Variants in FAM13C observed in about 807,000 individuals in gnomAD.
The protein encoded by FAM13C is protein FAM13C.
A neutral mutation model predicts 73.2 loss-of-function variants in FAM13C; 37 were observed. That is an observed-to-expected ratio of 0.51 (90% CI 0.39 to 0.67). The LOEUF (loss-of-function observed/expected upper bound fraction) is 0.67, where lower values mean the gene tolerates loss of function less well. Ranked by LOEUF, FAM13C falls within the 30% of genes least tolerant of loss-of-function variation. The pLI, the probability that FAM13C is intolerant of heterozygous loss-of-function variation, is 0.00. For synonymous variants in FAM13C, 246 were observed against 260.9 expected (o/e 0.94, Z 0.55); for missense variants, 589 against 715.6 (o/e 0.82, Z 2.02).
chr10:59,302,733 T>G, intron 5 of FAM13C, 68 bp downstream of exon 5: 1 of 1,447,846 alleles, frequency 6.9e-7, no homozygotes, highest in Admixed American at 1.7e-5. Context: ...CCTAGTACTG[T>G]GAAAAAGAAT....
At chr10:59,353,594 G>T (rs904145933) in intron 2 of FAM13C, among the ~76,000 whole-genome samples, 2 of 152,130 alleles carry the variant, frequency 1.3e-5, no homozygotes, top group African/African-American at 4.8e-5. Context: ...AAGAAGGAAT[G>T]CCCACCATTC....
At chr10:59,344,672 G>T (rs1354251430) in intron 3 of FAM13C, among the ~76,000 whole-genome samples, 1 of 152,046 alleles carries the variant, frequency 6.6e-6, no homozygotes, top group Non-Finnish European at 1.5e-5. Context: ...AGATACAATT[G>T]CCATCTCCAG....
intron 4 of FAM13C, among the ~76,000 whole-genome samples, chr10:59,310,485 C>A (rs1036021893): frequency 2.6e-5 from 4 of 152,044 alleles, no homozygotes; most frequent in African/African-American, 7.2e-5. Flanking sequence ...GTCGAAGCCA[C>A]ATTGAAGACA....
At chr10:59,348,900 C>T (rs1164339104) in intron 3 of FAM13C, among the ~76,000 whole-genome samples, 1 of 152,186 alleles carries the variant, frequency 6.6e-6, no homozygotes, top group East Asian at 1.9e-4. Context: ...TTACAAAGTG[C>T]TGGGATTACA....
Position 59,268,544 on chromosome 10 carries a change from G to A in FAM13C, c.942+9C>T, listed in dbSNP as rs760417581. ...AATCCGCTCCTATGTCAAACCCCAG[G>A]GTTCTTACCCGGTATTTCTTTTCTT... On this transcript the variant is annotated intron_variant, in intron 8 of 13. Coordinates refer to ENST00000618804, the MANE Select transcript of FAM13C (RefSeq NM_198215.4). 3.7e-6 allele frequency: 6 copies of A among 1,613,484 alleles called. No homozygotes were observed. Among genetic ancestry groups the A allele is most frequent in the African/African-American group, 1.3e-5 (1 of 74,970 alleles).
In FAM13C at chr10:59,246,440, A is replaced by G. The variant is rs1452528651; in HGVS notation, c.*1174T>C. On this transcript the variant is annotated 3_prime_UTR_variant, in exon 14 of 14. Transcript: ENST00000618804. Reference sequence around the variant, plus strand: ...AAATAGTCAATAGTCTTCCCATCCAAACTATAAGAGAATGTGAATTTCTTC... The same window carrying G: ...AAATAGTCAATAGTCTTCCCATCCAGACTATAAGAGAATGTGAATTTCTTC... The G allele has an allele frequency of 5.4e-6, 2 of 371,288 alleles. No homozygotes were observed. The highest frequency in any genetic ancestry group is 2.1e-5 in the African/African-American group (1 of 48,118). The allele number at this position is 371,288 out of a possible 1,614,324, so 23.0% of individuals were successfully genotyped here. A position where few individuals can be genotyped will look rare whatever the true frequency, so the allele number is the denominator to read the frequency against.
chr10:59,357,036 C>T (rs944330734), intron 1 of FAM13C, among the ~76,000 whole-genome samples: 4 of 152,126 alleles, frequency 2.6e-5, no homozygotes, highest in Non-Finnish European at 4.4e-5. Flanking sequence ...GGCTCTTGTG[C>T]CTTTGGCCAC....
intron 6 of FAM13C, among the ~76,000 whole-genome samples, chr10:59,281,854 A>C (rs1026540): frequency 6.6e-6 from 1 of 152,118 alleles, no homozygotes; most frequent in African/African-American, 2.4e-5. Flanking sequence ...AGAAACTTGT[A>C]TAGTTAATCC....
At chr10:59,346,171 T>C (rs1384148146) in intron 3 of FAM13C, among the ~76,000 whole-genome samples, 1 of 149,176 alleles carries the variant, frequency 6.7e-6, no homozygotes, top group Non-Finnish European at 1.5e-5. Flanking sequence ...ACGTCCATAA[T>C]TGAAAACATA....
chr10:59,268,469 C>T (rs1046502850), intron 8 of FAM13C, 84 bp downstream of exon 8: 9 of 1,556,692 alleles, frequency 5.8e-6, no homozygotes, highest in African/African-American at 1.4e-5. Flanking sequence ...CAAAGAAGGG[C>T]ACCCAGAAAG....
At chr10:59,338,211 A>G (rs1853002087) in intron 3 of FAM13C, among the ~76,000 whole-genome samples, 1 of 152,174 alleles carries the variant, frequency 6.6e-6, no homozygotes, top group African/African-American at 2.4e-5. Flanking sequence ...GCAGGAATGA[A>G]AAAAATGACA....
chr10:59,357,063 T>G (rs931520030), intron 1 of FAM13C, among the ~76,000 whole-genome samples: 1 of 152,200 alleles, frequency 6.6e-6, no homozygotes, highest in Non-Finnish European at 1.5e-5. Flanking sequence ...AAGGCTGCAC[T>G]GTTGGCTTCC....
intron 3 of FAM13C, chr10:59,327,701 T>C (rs1232422259): frequency 6.6e-6 from 1 of 152,102 alleles, no homozygotes; most frequent in Non-Finnish European, 1.5e-5. Flanking sequence ...AACATTAAAG[T>C]AGGGTATGTA....
chr10:59,330,431 G>A (rs1185333429), intron 3 of FAM13C, among the ~76,000 whole-genome samples: 1 of 152,118 alleles, frequency 6.6e-6, no homozygotes, highest in African/African-American at 2.4e-5. Flanking sequence ...TAAAATCAAT[G>A]GAGTATACAC....
chr10:59,267,209 T>C (rs974063417), intron 8 of FAM13C, among the ~76,000 whole-genome samples: 7 of 152,212 alleles, frequency 4.6e-5, no homozygotes, highest in Admixed American at 1.3e-4. Context: ...GAGGACATCA[T>C]AGATCCAGTA....
intron 4 of FAM13C, among the ~76,000 whole-genome samples, chr10:59,318,733 C>T (rs1404262187): frequency 6.6e-6 from 1 of 152,094 alleles, no homozygotes; most frequent in Non-Finnish European, 1.5e-5. Context: ...GGATACTCAA[C>T]ATGAACTAGG....
chr10:59,289,515 C>T (rs1482695763), intron 5 of FAM13C, among the ~76,000 whole-genome samples: 3 of 152,216 alleles, frequency 2.0e-5, no homozygotes, highest in Non-Finnish European at 4.4e-5. Flanking sequence ...CATGGAAAGC[C>T]AGGCAGCTTT....
At chr10:59,288,374 TC>T (rs1004835391) in intron 5 of FAM13C, among the ~76,000 whole-genome samples, 10 of 152,258 alleles carry the variant, frequency 6.6e-5, no homozygotes, top group African/African-American at 2.4e-4. Context: ...ACTCCTGTAA[TC>T]CCAGCTACTT....
At chr10:59,261,896 C>CTCTA (rs1476734702) in intron 10 of FAM13C, among the ~76,000 whole-genome samples, 2 of 152,166 alleles carry the variant, frequency 1.3e-5, no homozygotes, top group East Asian at 3.9e-4. Context: ...TGCCTGACAA[C>CTCTA]TCTATCTAGA....
Sources: allele counts gnomAD v4.1 joint callset (sites outside exome capture counted in the v4.1 genomes callset), GRCh38; gene constraint gnomAD v4.1.1; transcripts MANE v1.5; gene names NCBI Gene and HGNC (gene_info 2026-07-23, HGNC 2026-07-21).